The following CDH11 variants were observed in gnomAD, a reference collection of about 807,000 sequenced individuals.
CDH11 encodes cadherin-11.
CDH11 carries 11 observed loss-of-function variants against 67.8 expected under a neutral mutation model. The observed-to-expected ratio is 0.16, with a 90% confidence interval of 0.10 to 0.27. The LOEUF (loss-of-function observed/expected upper bound fraction) is 0.27, where lower values mean the gene tolerates loss of function less well. CDH11 is among the 10% of genes least tolerant of loss of function. CDH11 has a pLI of 1.00. For synonymous variants in CDH11, 419 were observed against 400.0 expected (o/e 1.05, Z -0.57); for missense variants, 847 against 1,031.2 (o/e 0.82, Z 2.45).
chr16:65,044,454 G>C (rs905278457), intron 2 of CDH11, among the ~76,000 whole-genome samples: 1 of 151,960 alleles, frequency 6.6e-6, no homozygotes, highest in Non-Finnish European at 1.5e-5. Context: ...GTCATAAACT[G>C]TAATTTTTTT....
intron 1 of CDH11, among the ~76,000 whole-genome samples, chr16:65,074,850 C>T (rs1317689363): frequency 6.6e-6 from 1 of 152,170 alleles, no homozygotes; most frequent in Non-Finnish European, 1.5e-5. Context: ...ACAATGCAAA[C>T]ATTGTAAAAG....
At chr16:65,101,178 G>A (rs1052881016) in intron 1 of CDH11, among the ~76,000 whole-genome samples, 1 of 152,084 alleles carries the variant, frequency 6.6e-6, no homozygotes, top group Non-Finnish European at 1.5e-5. Context: ...CTCCACATTT[G>A]TTGGCCTCTC....
At chr16:64,983,327 A>G (rs1377874415) in intron 7 of CDH11, 1 of 152,210 alleles carries the variant, frequency 6.6e-6, no homozygotes, top group African/African-American at 2.4e-5. Flanking sequence ...ACAGTGAATC[A>G]GTCAGCAAAG....
upstream of CDH11, chr16:65,122,111 GGC>G: frequency 1.9e-6 from 1 of 539,282 alleles, no homozygotes; most frequent in Non-Finnish European, 3.3e-6. Context: ...GGGGGGAGGT[GGC>G]GGGCGGGCAG....
rs1458660277 is a variant in CDH11, at chr16:64,945,039, GAATGAATC to G, written c.*2556_*2563del. On this transcript the variant is annotated 3_prime_UTR_variant, in exon 13 of 13. Transcript: ENST00000268603. ...TAAAATAAGATTTTGATGAATTAAT[GAATGAATC>G]AATGAATGAATGATGACTAGAAACA... 4.8e-6 allele frequency: 1 copy of G among 207,520 alleles called. No individual in the cohort carries two copies. The highest frequency in any genetic ancestry group is 7.4e-5 in the East Asian group (1 of 13,604). The allele number at this position is 207,520 out of a possible 1,614,324, so 12.9% of individuals were successfully genotyped here.
chr16:64,954,562 C>T (rs1392750104), intron 11 of CDH11, among the ~76,000 whole-genome samples: 1 of 152,166 alleles, frequency 6.6e-6, no homozygotes, highest in Non-Finnish European at 1.5e-5. Context: ...ACTTAACACA[C>T]ATTACTGAGA....
At chr16:64,993,947 T>C (rs534988797) in intron 4 of CDH11, among the ~76,000 whole-genome samples, 12 of 152,280 alleles carry the variant, frequency 7.9e-5, no homozygotes, top group African/African-American at 2.6e-4. Context: ...TAGTGAGAAA[T>C]TGAACTTGAG....
intron 11 of CDH11, among the ~76,000 whole-genome samples, chr16:64,958,740 A>G (rs1363345983): frequency 6.6e-6 from 1 of 152,212 alleles, no homozygotes; most frequent in Non-Finnish European, 1.5e-5. Context: ...TTGGTTAATT[A>G]GTTGAATTCC....
At chr16:65,123,216 C>A (rs1007326527), upstream of CDH11, among the ~76,000 whole-genome samples, 1 of 151,974 alleles carries the variant, frequency 6.6e-6, no homozygotes, top group Non-Finnish European at 1.5e-5. Context: ...TGTGTGGGGA[C>A]CCCTGGCTTG....
Position 64,943,882 on chromosome 16 carries a change from C to T in CDH11, c.*3721G>A, listed in dbSNP as rs2071149233. The T allele has an allele frequency of 4.4e-6, 1 of 228,634 alleles. No homozygotes were observed. The highest frequency in any genetic ancestry group is 8.7e-6 in the Non-Finnish European group (1 of 115,276). 14.2% of individuals were successfully genotyped at this position (228,634 alleles called of 1,614,324 possible). A position where few individuals can be genotyped will look rare whatever the true frequency, so the allele number is the denominator to read the frequency against. ...TCATGGAGCTTACATTCTAGTGGGG[C>T]AGTCAGTCCCACCCACCCACACACA... On this transcript the variant is annotated 3_prime_UTR_variant, in exon 13 of 13. Coordinates refer to ENST00000268603, the MANE Select transcript of CDH11 (RefSeq NM_001797.4).
chr16:65,109,683 T>C (rs1327947426), intron 1 of CDH11, among the ~76,000 whole-genome samples: 2 of 152,162 alleles, frequency 1.3e-5, no homozygotes, highest in African/African-American at 4.8e-5. Flanking sequence ...CTAGAGTCCA[T>C]AGAAAACTTT....
intron 2 of CDH11, among the ~76,000 whole-genome samples, chr16:65,049,783 G>A (rs141962973): frequency 6.6e-6 from 1 of 152,266 alleles, no homozygotes; most frequent in African/African-American, 2.4e-5. Flanking sequence ...CAAGTGAACC[G>A]AGTGTCTGTT....
intron 8 of CDH11, among the ~76,000 whole-genome samples, chr16:64,978,932 T>A (rs924815666): frequency 2.0e-5 from 3 of 151,444 alleles, no homozygotes; most frequent in Non-Finnish European, 4.4e-5. Context: ...TTCCTCAAAA[T>A]TAAAACTTTT....
intron 2 of CDH11, among the ~76,000 whole-genome samples, chr16:65,040,086 A>G (rs566496548): frequency 3.9e-4 from 60 of 152,316 alleles, no homozygotes; most frequent in Admixed American, 9.1e-4. Flanking sequence ...GAGAAATAGG[A>G]ACACTTTTAC....
At chr16:65,077,833 T>G (rs190512503) in intron 1 of CDH11, among the ~76,000 whole-genome samples, 203 of 152,352 alleles carry the variant, frequency 1.3e-3, no homozygotes, top group Non-Finnish European at 2.5e-3. Context: ...TGCTGCAGCT[T>G]ACTTTTTCAC....
chr16:65,090,724 A>G (rs1287771892), intron 1 of CDH11, among the ~76,000 whole-genome samples: 3 of 152,248 alleles, frequency 2.0e-5, no homozygotes, highest in African/African-American at 7.2e-5. Context: ...AGATAGTAGA[A>G]ATGAATTACA....
At chr16:65,040,160 A>T (rs1305895633) in intron 2 of CDH11, among the ~76,000 whole-genome samples, 4 of 152,212 alleles carry the variant, frequency 2.6e-5, no homozygotes, top group Non-Finnish European at 5.9e-5. Flanking sequence ...TTTCTCAGGG[A>T]TCTAGAACTA....
Position 64,946,603 on chromosome 16 carries a change from T to A in CDH11, c.*1000A>T. ...AAAAGCTTTACATGATGTTACAGAA[T>A]CTTGTCTGAAAAAACATTTGTAAAA... is the stretch of plus-strand genomic sequence containing the variant. On this transcript the variant is annotated 3_prime_UTR_variant, in exon 13 of 13. Coordinates refer to ENST00000268603, the MANE Select transcript of CDH11 (RefSeq NM_001797.4). 1 of 1,032,428 alleles carries A rather than the reference T, an allele frequency of 9.7e-7. No individual in the cohort carries two copies. Among genetic ancestry groups the A allele is most frequent in the Non-Finnish European group, 1.2e-6 (1 of 858,246 alleles). 64.0% of individuals were successfully genotyped at this position (1,032,428 alleles called of 1,614,324 possible). A position where few individuals can be genotyped will look rare whatever the true frequency, so the allele number is the denominator to read the frequency against.
At chr16:65,100,518 C>T (rs1400481442) in intron 1 of CDH11, among the ~76,000 whole-genome samples, 1 of 152,030 alleles carries the variant, frequency 6.6e-6, no homozygotes, top group East Asian at 1.9e-4. Context: ...GCAGGCAGAT[C>T]ACGAGGTCAG....
Sources: allele counts gnomAD v4.1 joint callset (sites outside exome capture counted in the v4.1 genomes callset), GRCh38; gene constraint gnomAD v4.1.1; transcripts MANE v1.5; gene names NCBI Gene and HGNC (gene_info 2026-07-23, HGNC 2026-07-21).